Variants in CACNA1C observed in about 807,000 individuals in gnomAD.
CACNA1C encodes the protein calcium voltage-gated channel subunit alpha1 C, also known as voltage-dependent L-type calcium channel subunit alpha-1C.
Under a neutral mutation model 229.0 loss-of-function variants are expected in CACNA1C, and 30 were observed. The observed-to-expected ratio is 0.13, with a 90% CI of 0.10 to 0.18. The LOEUF (loss-of-function observed/expected upper bound fraction) is 0.18. Among genes scored for constraint, CACNA1C ranks in the 10% least tolerant of loss-of-function variants. CACNA1C has a pLI of 1.00. For synonymous variants in CACNA1C, 1,114 were observed against 1,132.5 expected (o/e 0.98, Z 0.33); for missense variants, 1,658 against 2,845.0 (o/e 0.58, Z 9.49).
intron 9 of CACNA1C, among the ~76,000 whole-genome samples, chr12:2,516,276 G>A (rs2099796639): frequency 6.6e-6 from 1 of 152,198 alleles, no homozygotes; most frequent in African/African-American, 2.4e-5. Flanking sequence ...TGCAGCTGGA[G>A]AGGAGGGAGT....
chr12:2,107,256 GGA>G (rs1247261107), intron 1 of CACNA1C, among the ~76,000 whole-genome samples: 2 of 144,714 alleles, frequency 1.4e-5, no homozygotes, highest in Non-Finnish European at 3.0e-5. Context: ...CGCCCACCCT[GGA>G]GAGAGTTTCC....
At chr12:2,496,362 T>G (rs2099746855) in intron 7 of CACNA1C, among the ~76,000 whole-genome samples, 1 of 152,162 alleles carries the variant, frequency 6.6e-6, no homozygotes, top group Non-Finnish European at 1.5e-5. Context: ...CTAAAGGACT[T>G]GAGAAGGAGC....
At position 2,630,615 on chromosome 12, in the gene CACNA1C, G is replaced by C. The variant is rs1368526445; in HGVS notation, c.3829-3682G>C. Among the ~76,000 whole-genome samples, 1 of 152,174 alleles carries C rather than the reference G, an allele frequency of 6.6e-6. No homozygotes were observed. The highest frequency in any genetic ancestry group is 1.9e-4 in the East Asian group (1 of 5,188). ...GGACTGAGGGGCTCTGGGCACCAAA[G>C]GCAGGACGGTGGGAGGATGGGTCAG... On this transcript the variant is annotated intron_variant, in intron 29 of 46. Coordinates refer to ENST00000399655, the MANE Select transcript of CACNA1C (RefSeq NM_000719.7). The surrounding 1 kb of genome is among the most constrained non-coding windows in gnomAD (Gnocchi z 5.4).
chr12:2,584,682 G>A lies in CACNA1C; in HGVS notation c.2339+65G>A, dbSNP rs545286577. On this transcript the variant is annotated intron_variant, in intron 16 of 46. Coordinates refer to ENST00000399655, the MANE Select transcript of CACNA1C (RefSeq NM_000719.7). ...TCCCATTGTGGAATGTCTTCCCACTGGTGGCAGAGAGAGGCTTGACTGCTA... is the reference window on the plus strand; with the variant it reads ...TCCCATTGTGGAATGTCTTCCCACTAGTGGCAGAGAGAGGCTTGACTGCTA... 1.0e-3 allele frequency: 1,127 copies of A among 1,093,814 alleles called. 19 individuals carry two copies. The South Asian group carries it at 0.012, about 12-fold the overall frequency. The allele number at this position is 1,093,814 out of a possible 1,614,324, so 67.8% of individuals were successfully genotyped here.
intron 3 of CACNA1C, among the ~76,000 whole-genome samples, chr12:2,436,133 A>G (rs1455809557): frequency 6.6e-6 from 1 of 152,188 alleles, no homozygotes; most frequent in East Asian, 1.9e-4. Flanking sequence ...GTGGGGAAGG[A>G]AGGATTTAAG....
rs563985901 is a variant in CACNA1C at position 2,173,114 on chromosome 12, T to A, written c.477+52684T>A. On this transcript the variant is annotated intron_variant, in intron 3 of 46. Coordinates refer to ENST00000399655, the MANE Select transcript of CACNA1C (RefSeq NM_000719.7). ...GTGACAAAGGAAGAGTGCAGGAGTT[T>A]CCGTGTTTGGCCCTAACCCAGGTCC... Among the ~76,000 whole-genome samples the A allele has an allele frequency of 2.6e-5, 4 of 152,298 alleles. 1 individual carries two copies. The South Asian group carries it at 8.3e-4, about 32-fold the overall frequency.
At position 2,677,329 on chromosome 12, in the gene CACNA1C, C is replaced by A; in HGVS notation, c.4956+108C>A. ...CAGCAGGCTGGAGGCCAGGTCCCTG[C>A]AGAGGGAACCTTTCAGAGAGCTCCA... On this transcript the variant is annotated intron_variant, in intron 40 of 46. Transcript: ENST00000399655. This position sits in a 1 kb window ranked among gnomAD's most constrained non-coding sequence, Gnocchi z 7.4. The A allele has an allele frequency of 8.0e-7, 1 of 1,247,832 alleles. No homozygotes were observed. The highest frequency in any genetic ancestry group is 1.1e-6 in the Non-Finnish European group (1 of 906,266). The allele number at this position is 1,247,832 out of a possible 1,614,324, so 77.3% of individuals were successfully genotyped here.
At position 2,691,153 on chromosome 12, in the gene CACNA1C, G is replaced by A. The variant is rs886049210; in HGVS notation, c.6371G>A (p.Ser2124Asn). The part of the protein sequence containing the change: ...AGCVRARGRP[S>N]EEELQDSRVY... ...TGTGTGCGCGCGCGGGGTCGACCGA[G>A]TGAGGAGGAGCTCCAGGACAGCAGG... The change falls in exon 47 of 47, where the codon AGT (serine) becomes AAT (asparagine). Residue 2124 changes from serine to asparagine, a missense_variant. Physicochemically the swap from Ser to Asn is conservative, Grantham distance 46. Coordinates refer to ENST00000399655, the MANE Select transcript of CACNA1C (RefSeq NM_000719.7). 2 of 1,605,858 alleles carry A rather than the reference G, an allele frequency of 1.2e-6. No individual in the cohort carries two copies. The highest frequency in any genetic ancestry group is 1.7e-6 in the Non-Finnish European group (2 of 1,174,254).
intron 1 of CACNA1C, among the ~76,000 whole-genome samples, chr12:2,027,325 G>A (rs941588938): frequency 6.6e-5 from 10 of 152,122 alleles, no homozygotes; most frequent in African/African-American, 2.4e-4. Context: ...GTTTCCAAAG[G>A]AGATCAATCT....
chr12:2,402,784 G>C (rs891422775), intron 3 of CACNA1C, among the ~76,000 whole-genome samples: 1 of 152,154 alleles, frequency 6.6e-6, no homozygotes, highest in Non-Finnish European at 1.5e-5. Context: ...CTGGTCTCAC[G>C]GTCAACAGGA....
At chr12:2,400,897 A>T (rs139045340) in intron 3 of CACNA1C, among the ~76,000 whole-genome samples, 5 of 152,192 alleles carry the variant, frequency 3.3e-5, no homozygotes, top group Admixed American at 6.5e-5. Context: ...AATATACTTG[A>T]TGCTTCAGTG....
chr12:2,452,861 G>A (rs541512078), intron 4 of CACNA1C, among the ~76,000 whole-genome samples: 3 of 152,274 alleles, frequency 2.0e-5, no homozygotes, highest in Admixed American at 2.0e-4. Context: ...TTGGAATGTT[G>A]TTTGACAAAT....
rs1555107490 is a variant in CACNA1C, at chr12:2,067,449, CGTGTGT to C, written c.49+13866_49+13871del. Among the ~76,000 whole-genome samples the C allele has an allele frequency of 4.4e-3, 618 of 141,478 alleles. 6 individuals carry two copies. The highest frequency in any genetic ancestry group is 0.013 in the African/African-American group (477 of 37,774). 92.8% of individuals were successfully genotyped at this position (141,478 alleles called of 152,430 possible). ...GCTTAGGACTGTGGACTAGGATGCACGTGTGTGTGTGTGTGTGTGTGTGTGTGTGTG... is the reference window on the plus strand; with the variant it reads ...GCTTAGGACTGTGGACTAGGATGCACGTGTGTGTGTGTGTGTGTGTGTGTG... On this transcript the variant is annotated intron_variant, in intron 1 of 46. Transcript: ENST00000399655. The surrounding 1 kb of genome is among the most constrained non-coding windows in gnomAD (Gnocchi z 5.3).
intron 6 of CACNA1C, among the ~76,000 whole-genome samples, chr12:2,489,833 C>G (rs2099710645): frequency 6.6e-6 from 1 of 152,228 alleles, no homozygotes; most frequent in Non-Finnish European, 1.5e-5. Context: ...TCCAGAATGA[C>G]TCTACCTCTC....
intron 29 of CACNA1C, among the ~76,000 whole-genome samples, chr12:2,616,279 T>G (rs1021976966): frequency 2.0e-5 from 3 of 152,214 alleles, no homozygotes; most frequent in Non-Finnish European, 4.4e-5. Context: ...TCTCTTTCTG[T>G]CTGGGCCTCC....
At chr12:2,158,996 A>G (rs772882601) in intron 3 of CACNA1C, among the ~76,000 whole-genome samples, 11 of 152,194 alleles carry the variant, frequency 7.2e-5, no homozygotes, top group Non-Finnish European at 1.0e-4. Context: ...CTAAACCCTT[A>G]CCTTCTATGA....
chr12:2,558,386 C>T (rs903124239), intron 11 of CACNA1C, among the ~76,000 whole-genome samples: 4 of 152,222 alleles, frequency 2.6e-5, no homozygotes, highest in African/African-American at 9.7e-5. Flanking sequence ...AGTCCATGCC[C>T]TCTACTTGCC....
At chr12:2,218,547 G>C (rs1197185514) in intron 3 of CACNA1C, among the ~76,000 whole-genome samples, 2 of 152,170 alleles carry the variant, frequency 1.3e-5, no homozygotes, top group East Asian at 3.9e-4. Context: ...AGCGTGGAAA[G>C]AAGTCCTACG....
intron 13 of CACNA1C, 34 bp from the exon 14 acceptor site, chr12:2,581,556 G>C (rs1240532170): frequency 6.6e-7 from 1 of 1,525,042 alleles, no homozygotes; most frequent in African/African-American, 1.4e-5. Context: ...ACAGCAAGGG[G>C]CAGAGTGCTG....
Sources: gnomAD v4.1 joint callset for allele counts (sites outside exome capture counted in the v4.1 genomes callset) on GRCh38, gnomAD v4.1.1 for gene constraint, Gnocchi (gnomAD v3.1) non-coding constraint, MANE v1.5 for transcripts, NCBI Gene and HGNC (gene_info 2026-07-23, HGNC 2026-07-21) for gene names.